The following ZNF454 variants were observed in gnomAD, a reference collection of about 807,000 sequenced individuals.
The protein encoded by ZNF454 is zinc finger protein 454.
ZNF454 carries 30 observed loss-of-function variants against 48.2 expected under a neutral mutation model. The observed-to-expected ratio is 0.62, with a 90% CI of 0.47 to 0.84. The LOEUF (loss-of-function observed/expected upper bound fraction) is 0.84, where lower values mean the gene tolerates loss of function less well. ZNF454 is among the 40% of genes least tolerant of loss of function. ZNF454 has a pLI of 0.00. For synonymous variants in ZNF454, 204 were observed against 211.4 expected (o/e 0.97, Z 0.30); for missense variants, 510 against 623.1 (o/e 0.82, Z 1.93).
intron 4 of ZNF454, among the ~76,000 whole-genome samples, chr5:178,960,948 T>TC (rs1759991302): frequency 6.6e-6 from 1 of 151,290 alleles, no homozygotes; most frequent in African/African-American, 2.4e-5. Context: ...TTTTTTTTTT[T>TC]TGAGACACAG....
rs1246833893 is a variant in ZNF454, at chr5:178,965,966, A to G, written c.1562A>G (p.Glu521Gly). 2 of 1,565,580 alleles carry G rather than the reference A, an allele frequency of 1.3e-6. No homozygotes were observed. The highest frequency in any genetic ancestry group is 1.7e-6 in the Non-Finnish European group (2 of 1,158,962). The change falls in exon 5 of 5, where the codon GAG (glutamate) becomes GGG (glycine). Residue 521 changes from glutamate to glycine, a missense_variant. Transcript: ENST00000519564. This position sits in a 1 kb window ranked among gnomAD's most constrained non-coding sequence, Gnocchi z 5.2. ...LIQHQRHHIG[E>G]K ...CAGCATCAGAGACATCATATTGGAG[A>G]GAAGTGATATGAATGCAGTTTGTAT...
the ZNF454 span, among the ~76,000 whole-genome samples, chr5:178,973,938 C>T: frequency 2.0e-4 from 30 of 151,616 alleles, no homozygotes; most frequent in African/African-American, 7.3e-4. Flanking sequence ...TGTACATAGG[C>T]AGAGAATGAA....
At chr5:178,964,599 C>T (rs1760085336) in intron 4 of ZNF454, 56 bp from the exon 5 acceptor site, 4 of 1,337,726 alleles carry the variant, frequency 3.0e-6, no homozygotes, top group Non-Finnish European at 4.2e-6. Context: ...TCATCTTGCC[C>T]CATCCAAATG....
At chr5:178,983,109 A>T in the ZNF454 span, 21 of 1,614,008 alleles carry the variant, frequency 1.3e-5, no homozygotes, top group Admixed American at 8.3e-5. Flanking sequence ...CAGATCCGAC[A>T]TGTCGCACTT....
At chr5:178,989,460 T>C in the ZNF454 span, 10 of 1,610,708 alleles carry the variant, frequency 6.2e-6, no homozygotes, top group Non-Finnish European at 8.5e-6. Flanking sequence ...GCTGTGTTTC[T>C]CCTGTGTCTC....
chr5:178,965,877 A>C lies in ZNF454; in HGVS notation c.1473A>C (p.Thr491=). The C allele has an allele frequency of 6.2e-7, 1 of 1,613,654 alleles. No individual in the cohort carries two copies. Among genetic ancestry groups the C allele is most frequent in the Non-Finnish European group, 8.5e-7 (1 of 1,179,864 alleles). The change falls in exon 5 of 5, where the codon ACA becomes ACC. Residue 491 remains threonine (T), a synonymous_variant. Coordinates refer to ENST00000519564, the MANE Select transcript of ZNF454 (RefSeq NM_001178089.3). This position sits in a 1 kb window ranked among gnomAD's most constrained non-coding sequence, Gnocchi z 5.2. ...THLTQHQRIH[T]GEKPYKCNKC... is the part of the protein sequence containing the mutation. ...TGACTCAACATCAGAGGATTCACAC[A>C]GGAGAGAAACCCTATAAATGTAATA...
chr5:178,959,239 G>A (rs781085175), intron 4 of ZNF454, among the ~76,000 whole-genome samples: 6 of 152,086 alleles, frequency 3.9e-5, no homozygotes, highest in Non-Finnish European at 8.8e-5. Flanking sequence ...TTCCCCCATT[G>A]TACTGCACTG....
downstream of ZNF454, among the ~76,000 whole-genome samples, chr5:178,970,006 G>A (rs7706632): frequency 2.6e-3 from 395 of 152,206 alleles, no homozygotes; most frequent in African/African-American, 9.1e-3. Flanking sequence ...CTTTGACAGC[G>A]CCCTCTCTAA....
the ZNF454 span, among the ~76,000 whole-genome samples, chr5:178,988,157 G>A: frequency 7.9e-5 from 12 of 152,126 alleles, no homozygotes; most frequent in African/African-American, 2.4e-5. This position sits in a 1 kb window ranked among gnomAD's most constrained non-coding sequence, Gnocchi z 6.0. Flanking sequence ...AATGAAAAAA[G>A]TTTCACTGTC....
At chr5:178,981,243 A>C in the ZNF454 span, 1 of 205,892 alleles carries the variant, frequency 4.9e-6, no homozygotes, top group Non-Finnish European at 9.9e-6. The surrounding 1 kb of genome is among the most constrained non-coding windows in gnomAD (Gnocchi z 5.1). Context: ...CCCATGTTTC[A>C]TTCTGGGGTC....
chr5:178,941,454 A>G lies in ZNF454; in HGVS notation c.-108+10A>G, dbSNP rs1161562587. On this transcript the variant is annotated intron_variant, in intron 1 of 4. Coordinates refer to ENST00000519564, the MANE Select transcript of ZNF454 (RefSeq NM_001178089.3). This position sits in a 1 kb window ranked among gnomAD's most constrained non-coding sequence, Gnocchi z 5.5. ...CCAAACTTCCCGGAATGTATGTCTG[A>G]GATTTGATCCCAGAGAGGGAGGACG... 4 of 446,858 alleles carry G rather than the reference A, an allele frequency of 9.0e-6. No individual in the cohort carries two copies. Among genetic ancestry groups the G allele is most frequent in the Non-Finnish European group, 1.8e-5 (4 of 222,172 alleles). The allele number at this position is 446,858 out of a possible 1,614,324, so 27.7% of individuals were successfully genotyped here. A position where few individuals can be genotyped will look rare whatever the true frequency, so the allele number is the denominator to read the frequency against.
chr5:178,956,644 C>T (rs1759761795), intron 4 of ZNF454, among the ~76,000 whole-genome samples: 1 of 148,256 alleles, frequency 6.7e-6, no homozygotes, highest in African/African-American at 2.5e-5. Flanking sequence ...GGTAAACTGA[C>T]CTTAAACCAG....
At chr5:178,989,994 G>A in the ZNF454 span, 1 of 199,156 alleles carries the variant, frequency 5.0e-6, no homozygotes, top group Non-Finnish European at 1.0e-5. Context: ...CCTGCACCCA[G>A]ATGCAACGTA....
chr5:178,985,610 G>T, the ZNF454 span: 1 of 356,506 alleles, frequency 2.8e-6, no homozygotes, highest in Non-Finnish European at 5.5e-6. Context: ...GGCTGAGGCA[G>T]GAGAATGGCG....
chr5:178,943,516 T>C (rs1470592393), intron 2 of ZNF454, among the ~76,000 whole-genome samples: 1 of 152,146 alleles, frequency 6.6e-6, no homozygotes, highest in African/African-American at 2.4e-5. Flanking sequence ...ACAGGAGAGT[T>C]GGAAGGGACA....
At chr5:178,942,154 A>G (rs756700310) in intron 1 of ZNF454, among the ~76,000 whole-genome samples, 40 of 151,930 alleles carry the variant, frequency 2.6e-4, no homozygotes, top group Non-Finnish European at 3.4e-4. Flanking sequence ...CTGTAATCCC[A>G]GTACTTTGGG....
chr5:178,987,106 G>A, the ZNF454 span: 40 of 1,009,790 alleles, frequency 4.0e-5, no homozygotes, highest in Admixed American at 1.0e-4. Context: ...CATAAGGGAC[G>A]TGCAAATCCA....
At chr5:178,957,631 G>A (rs976110209) in intron 4 of ZNF454, among the ~76,000 whole-genome samples, 4 of 152,082 alleles carry the variant, frequency 2.6e-5, no homozygotes, top group South Asian at 2.1e-4. Flanking sequence ...GGATGGTCTC[G>A]ATCTCCTGAC....
At chr5:178,985,499 C>T in the ZNF454 span, 9,485 of 342,834 alleles carry the variant, frequency 0.028, 175 homozygotes, top group Middle Eastern at 0.04. Context: ...GTCAGGAGAT[C>T]GAGACCATCC....
Sources: allele counts gnomAD v4.1 joint callset (sites outside exome capture counted in the v4.1 genomes callset), GRCh38; gene constraint gnomAD v4.1.1; non-coding constraint Gnocchi (gnomAD v3.1); transcripts MANE v1.5; gene names NCBI Gene and HGNC (gene_info 2026-07-23, HGNC 2026-07-21).